BLNK: variants seen among roughly 807,000 people sequenced by gnomAD.
The protein encoded by BLNK is B cell linker.
Under a neutral mutation model 73.5 loss-of-function variants are expected in BLNK, and 29 were observed. The ratio of observed to expected loss-of-function variants is 0.39; its 90% CI spans 0.29 to 0.54. BLNK has a LOEUF of 0.54. Ranked by LOEUF, BLNK falls within the 20% of genes least tolerant of loss-of-function variation. BLNK has a pLI of 0.61. For synonymous variants in BLNK, 176 were observed against 200.8 expected (o/e 0.88, Z 1.04); for missense variants, 460 against 562.8 (o/e 0.82, Z 1.85).
At chr10:96,229,395 G>C (rs1842407378) in intron 4 of BLNK, among the ~76,000 whole-genome samples, 2 of 152,160 alleles carry the variant, frequency 1.3e-5, no homozygotes, top group Admixed American at 1.3e-4. Flanking sequence ...AACAAGCCTG[G>C]ATTTCATTCT....
chr10:96,252,308 C>T (rs1295415230), intron 1 of BLNK, among the ~76,000 whole-genome samples: 3 of 152,190 alleles, frequency 2.0e-5, no homozygotes, highest in Non-Finnish European at 4.4e-5. Flanking sequence ...GCCCCGGGCT[C>T]CCAAAGTGCT....
intron 15 of BLNK, among the ~76,000 whole-genome samples, chr10:96,199,736 T>G (rs2083578123): frequency 6.6e-6 from 1 of 152,172 alleles, no homozygotes; most frequent in Non-Finnish European, 1.5e-5. Flanking sequence ...TGATCAGACC[T>G]TGGCCGGGCG....
In BLNK at chr10:96,207,048, T is replaced by C. The variant is rs1554897574; in HGVS notation, c.780A>G (p.Pro260=). The change falls in exon 11 of 17, where the codon CCA becomes CCG. Residue 260 remains proline (P), a synonymous_variant. Coordinates refer to ENST00000224337, the MANE Select transcript of BLNK (RefSeq NM_013314.4). Reference sequence around the variant, plus strand: ...TTGAAGCATTCTGTTGAGAGGCAACTGGAGTCTATGTAAAAGAAAAAAAGG... The same window carrying C: ...TTGAAGCATTCTGTTGAGAGGCAACCGGAGTCTATGTAAAAGAAAAAAAGG... ...KKPTTPLKTT[P]VASQQNASSV... 6 of 1,613,890 alleles carry C rather than the reference T, an allele frequency of 3.7e-6. No individual in the cohort carries two copies. In the South Asian group the frequency reaches 5.5e-5, roughly 15 times the overall value.
At chr10:96,263,776 A>G (rs1843866739) in intron 1 of BLNK, among the ~76,000 whole-genome samples, 1 of 152,196 alleles carries the variant, frequency 6.6e-6, no homozygotes, top group Admixed American at 6.5e-5. Context: ...ATACGCCAGT[A>G]ATGAGGAGGC....
At chr10:96,235,975 G>T (rs1842674648) in intron 3 of BLNK, among the ~76,000 whole-genome samples, 1 of 152,008 alleles carries the variant, frequency 6.6e-6, no homozygotes, top group Non-Finnish European at 1.5e-5. Context: ...GAGCTGATGA[G>T]GTTGGTGTTT....
chr10:96,269,416 G>GA (rs1190930102), intron 1 of BLNK, among the ~76,000 whole-genome samples: 16 of 136,510 alleles, frequency 1.2e-4, no homozygotes, highest in African/African-American at 3.6e-4. Flanking sequence ...GAATATGTCT[G>GA]AAAACAAAAA....
At chr10:96,206,355 A>G (rs2083807319) in intron 11 of BLNK, among the ~76,000 whole-genome samples, 1 of 152,182 alleles carries the variant, frequency 6.6e-6, no homozygotes, top group African/African-American at 2.4e-5. Flanking sequence ...GGTAATTTCC[A>G]AACACAATTT....
At chr10:96,222,748 C>T (rs1328684531) in intron 6 of BLNK, among the ~76,000 whole-genome samples, 1 of 152,124 alleles carries the variant, frequency 6.6e-6, no homozygotes, top group Non-Finnish European at 1.5e-5. Flanking sequence ...CATTGTACAT[C>T]CTGGCCCATG....
At chr10:96,219,661 T>C (rs1180215497) in intron 6 of BLNK, among the ~76,000 whole-genome samples, 1 of 152,354 alleles carries the variant, frequency 6.6e-6, no homozygotes, top group South Asian at 2.1e-4. Context: ...TTACAGAAAA[T>C]GTTTTTATCT....
At chr10:96,255,490 A>ATT (rs201682708) in intron 1 of BLNK, among the ~76,000 whole-genome samples, 25 of 147,116 alleles carry the variant, frequency 1.7e-4, no homozygotes, top group African/African-American at 6.2e-4. Context: ...AGGTTTCAGG[A>ATT]TTTTTTTTTT....
chr10:96,242,121 C>A (rs1403229467), intron 3 of BLNK, among the ~76,000 whole-genome samples: 4 of 152,136 alleles, frequency 2.6e-5, no homozygotes, highest in African/African-American at 9.7e-5. Flanking sequence ...GTGGGAGGGA[C>A]CTTGTAGGAG....
At chr10:96,267,923 A>C (rs1204585507) in intron 1 of BLNK, among the ~76,000 whole-genome samples, 3 of 152,236 alleles carry the variant, frequency 2.0e-5, no homozygotes, top group African/African-American at 7.2e-5. Flanking sequence ...CAGTTGCTTC[A>C]CAGAAAAATT....
intron 1 of BLNK, among the ~76,000 whole-genome samples, chr10:96,265,119 C>CTTATTTAT (rs55872216): frequency 0.25 from 33,891 of 136,742 alleles, 4,738 homozygotes; most frequent in East Asian, 0.53. Context: ...CCACACCAGA[C>CTTATTTAT]TTATTTATTT....
chr10:96,253,881 C>T (rs1419278565), intron 1 of BLNK, among the ~76,000 whole-genome samples: 2 of 151,846 alleles, frequency 1.3e-5, no homozygotes, highest in African/African-American at 2.4e-5. Flanking sequence ...ATTAGCCGGG[C>T]ATGGTGGCGG....
intron 3 of BLNK, among the ~76,000 whole-genome samples, chr10:96,242,136 T>C (rs1406411667): frequency 6.6e-6 from 1 of 152,210 alleles, no homozygotes; most frequent in Non-Finnish European, 1.5e-5. Context: ...TAGGAGATAA[T>C]TGAATCATGA....
At position 96,200,963 on chromosome 10, in the gene BLNK, T is replaced by G. The variant is rs587660304; in HGVS notation, c.1011+19A>C. 1.2e-5 allele frequency: 19 copies of G among 1,608,702 alleles called. No homozygotes were observed. The South Asian group carries it at 1.4e-4, about 12-fold the overall frequency. ...GTTTCCTGGTAACAATTTAGTGACA[T>G]CAAGAGTTCATTTCATACCTGTTCT... On this transcript the variant is annotated intron_variant, in intron 14 of 16. Transcript: ENST00000224337. The surrounding 1 kb of genome is among the most constrained non-coding windows in gnomAD (Gnocchi z 4.3).
At chr10:96,205,616 T>C (rs2083778769) in intron 11 of BLNK, among the ~76,000 whole-genome samples, 1 of 152,232 alleles carries the variant, frequency 6.6e-6, no homozygotes, top group South Asian at 2.1e-4. Flanking sequence ...ATGAACACCT[T>C]AGGTCTTGCC....
chr10:96,223,711 G>A (rs2084253745), intron 6 of BLNK, 115 bp downstream of exon 6: 1 of 1,260,726 alleles, frequency 7.9e-7, no homozygotes, highest in African/African-American at 1.5e-5. Flanking sequence ...AGAGTTAGAG[G>A]GGGCAGTCAA....
Position 96,216,748 on chromosome 10 carries a change from A to G in BLNK, c.526-14T>C, listed in dbSNP as rs201515938. On this transcript the variant is annotated splice_polypyrimidine_tract_variant and intron_variant, in intron 6 of 16. Transcript: ENST00000224337. Reference sequence around the variant, plus strand: ...CACATAATCAGCCTAACAGAAATACAAAACTGAATGAGAAGAATGCTGTAC... The same window carrying G: ...CACATAATCAGCCTAACAGAAATACGAAACTGAATGAGAAGAATGCTGTAC... The G allele has an allele frequency of 6.8e-6, 11 of 1,607,932 alleles. No homozygotes were observed. The highest frequency in any genetic ancestry group is 9.4e-6 in the Non-Finnish European group (11 of 1,174,420).
Sources: allele counts gnomAD v4.1 joint callset (sites outside exome capture counted in the v4.1 genomes callset), GRCh38; gene constraint gnomAD v4.1.1; non-coding constraint Gnocchi (gnomAD v3.1); transcripts MANE v1.5; gene names NCBI Gene and HGNC (gene_info 2026-07-23, HGNC 2026-07-21).